ADAMTS20: variants seen among roughly 807,000 people sequenced by gnomAD.
The protein encoded by ADAMTS20 is A disintegrin and metalloproteinase with thrombospondin motifs 20.
ADAMTS20 carries 225 observed loss-of-function variants against 260.1 expected under a neutral mutation model. The ratio of observed to expected loss-of-function variants is 0.87; its 90% confidence interval spans 0.78 to 0.97. ADAMTS20 has a LOEUF of 0.97. Ranked by LOEUF, ADAMTS20 falls within the 50% of genes least tolerant of loss-of-function variation. ADAMTS20 has a pLI of 0.00. For missense variants in ADAMTS20, 2,400 were observed against 2,337.7 expected (o/e 1.03, Z -0.55); for synonymous variants, 802 against 769.5 (o/e 1.04, Z -0.70).
chr12:43,512,107 A>G (rs1796134074), intron 3 of ADAMTS20, among the ~76,000 whole-genome samples: 1 of 151,700 alleles, frequency 6.6e-6, no homozygotes, highest in Non-Finnish European at 1.5e-5. Flanking sequence ...TACACTTCAC[A>G]TATGTTATCT....
At chr12:43,523,300 G>A (rs757406229) in intron 3 of ADAMTS20, among the ~76,000 whole-genome samples, 28 of 152,208 alleles carry the variant, frequency 1.8e-4, no homozygotes, top group Non-Finnish European at 3.4e-4. Flanking sequence ...CCCAGTCTCC[G>A]TGCAGAACGG....
chr12:43,354,968 T>C (rs1299371641), intron 38 of ADAMTS20, among the ~76,000 whole-genome samples: 2 of 152,236 alleles, frequency 1.3e-5, no homozygotes, highest in African/African-American at 2.4e-5. Context: ...CAGGACGTGA[T>C]AGACGCCTCA....
At chr12:43,379,715 A>C (rs1011469929) in intron 31 of ADAMTS20, among the ~76,000 whole-genome samples, 1 of 152,220 alleles carries the variant, frequency 6.6e-6, no homozygotes, top group Non-Finnish European at 1.5e-5. Context: ...TATAGACTTA[A>C]CAGTTAGTTC....
At chr12:43,526,095 TG>T (rs750930996) in intron 3 of ADAMTS20, among the ~76,000 whole-genome samples, 1 of 152,202 alleles carries the variant, frequency 6.6e-6, no homozygotes, top group Non-Finnish European at 1.5e-5. Context: ...CATCAGCACA[TG>T]GAACATTTTC....
chr12:43,484,533 C>A (rs1942492711), intron 7 of ADAMTS20, among the ~76,000 whole-genome samples: 1 of 151,980 alleles, frequency 6.6e-6, no homozygotes, highest in Admixed American at 6.6e-5. Context: ...CTAGAAAATG[C>A]AGTGCAAATT....
At chr12:43,419,166 TGTA>T (rs543598295) in intron 28 of ADAMTS20, among the ~76,000 whole-genome samples, 11 of 152,258 alleles carry the variant, frequency 7.2e-5, no homozygotes, top group African/African-American at 2.6e-4. Flanking sequence ...AATTTACACT[TGTA>T]TATCTTCTAT....
chr12:43,519,188 A>G (rs1215165485), intron 3 of ADAMTS20, among the ~76,000 whole-genome samples: 1 of 152,070 alleles, frequency 6.6e-6, no homozygotes, highest in Non-Finnish European at 1.5e-5. Flanking sequence ...GTAGAGGTGG[A>G]TTCACCATGA....
At chr12:43,438,364 A>G (rs1941596712) in intron 18 of ADAMTS20, among the ~76,000 whole-genome samples, 1 of 152,214 alleles carries the variant, frequency 6.6e-6, no homozygotes, top group Non-Finnish European at 1.5e-5. Context: ...CCCAGATTCC[A>G]ATTATCTTCT....
intron 16 of ADAMTS20, among the ~76,000 whole-genome samples, chr12:43,440,516 A>T (rs183819567): frequency 5.9e-5 from 9 of 152,354 alleles, no homozygotes; most frequent in Admixed American, 3.3e-4. Flanking sequence ...TATGTTGAGG[A>T]AATAAACTTT....
At chr12:43,495,016 G>A (rs931549307) in intron 4 of ADAMTS20, among the ~76,000 whole-genome samples, 3 of 152,180 alleles carry the variant, frequency 2.0e-5, no homozygotes, top group Non-Finnish European at 4.4e-5. Flanking sequence ...ACTATGAGGT[G>A]TCTACATGGC....
rs1440397379 is a variant in ADAMTS20 at position 43,552,160 on chromosome 12, C to G, written c.-239G>C. Reference sequence around the variant, plus strand: ...CACCCCCCTTCCTGCGCCCGCGCTGCCCTCAGAAACTCTCTGCTCAGGTTC... The same window carrying G: ...CACCCCCCTTCCTGCGCCCGCGCTGGCCTCAGAAACTCTCTGCTCAGGTTC... On this transcript the variant is annotated 5_prime_UTR_variant, in exon 1 of 39. Coordinates refer to ENST00000389420, the MANE Select transcript of ADAMTS20 (RefSeq NM_025003.5). Among the ~76,000 whole-genome samples the G allele has an allele frequency of 6.6e-6, 1 of 152,248 alleles. No homozygotes were observed. Among genetic ancestry groups the G allele is most frequent in the Non-Finnish European group, 1.5e-5 (1 of 68,048 alleles).
chr12:43,539,247 A>G (rs576782275), intron 2 of ADAMTS20, among the ~76,000 whole-genome samples: 5 of 152,220 alleles, frequency 3.3e-5, no homozygotes, highest in Non-Finnish European at 7.4e-5. Flanking sequence ...CACCACGCCC[A>G]GGCTTTAATG....
chr12:43,370,644 G>A (rs1177936912), intron 36 of ADAMTS20, among the ~76,000 whole-genome samples: 1 of 152,100 alleles, frequency 6.6e-6, no homozygotes, highest in Non-Finnish European at 1.5e-5. Context: ...TTCCTATTGG[G>A]CATCATTACT....
chr12:43,499,255 A>C (rs140342013), intron 4 of ADAMTS20, among the ~76,000 whole-genome samples: 1 of 152,242 alleles, frequency 6.6e-6, no homozygotes, highest in Non-Finnish European at 1.5e-5. Flanking sequence ...GTCTATAAAA[A>C]TTCTGTCTTC....
intron 28 of ADAMTS20, among the ~76,000 whole-genome samples, chr12:43,404,178 G>GACACACACACACAC (rs3031172): frequency 4.1e-5 from 6 of 145,902 alleles, no homozygotes; most frequent in African/African-American, 1.0e-4. Flanking sequence ...ATATTGTGGG[G>GACACACACACACAC]ACACACACAC....
intron 36 of ADAMTS20, 80 bp from the exon 37 acceptor site, chr12:43,369,461 C>T (rs1940060034): frequency 4.4e-6 from 3 of 684,170 alleles, no homozygotes; most frequent in Non-Finnish European, 6.3e-6. Context: ...TTTCTTATTA[C>T]TTACTTAGTA....
chr12:43,485,409 A>C (rs1390186330), intron 7 of ADAMTS20, among the ~76,000 whole-genome samples: 1 of 152,062 alleles, frequency 6.6e-6, no homozygotes, highest in African/African-American at 2.4e-5. Context: ...AGGCATAGAA[A>C]GAACATATCT....
At chr12:43,525,496 G>A (rs951982073) in intron 3 of ADAMTS20, among the ~76,000 whole-genome samples, 3 of 152,140 alleles carry the variant, frequency 2.0e-5, no homozygotes, top group Non-Finnish European at 4.4e-5. Context: ...CAATTAACAT[G>A]ATGAATGGAA....
At chr12:43,504,598 C>T (rs1008246912) in intron 3 of ADAMTS20, among the ~76,000 whole-genome samples, 3 of 151,998 alleles carry the variant, frequency 2.0e-5, no homozygotes, top group South Asian at 2.1e-4. Flanking sequence ...ATATAGAAAT[C>T]TCAATCAAGG....
Sources: gnomAD v4.1 joint callset for allele counts (sites outside exome capture counted in the v4.1 genomes callset) on GRCh38, gnomAD v4.1.1 for gene constraint, MANE v1.5 for transcripts, NCBI Gene and HGNC (gene_info 2026-07-23, HGNC 2026-07-21) for gene names.